DGKB: variants seen among roughly 807,000 people sequenced by gnomAD.
DGKB encodes diacylglycerol kinase beta, also known as 90 kDa diacylglycerol kinase.
A neutral mutation model predicts 114.3 loss-of-function variants in DGKB; 67 were observed. The observed-to-expected ratio is 0.59, with a 90% confidence interval of 0.48 to 0.72. The LOEUF (loss-of-function observed/expected upper bound fraction) is 0.72. DGKB is among the 30% of genes least tolerant of loss of function. The pLI is 0.00. For missense variants in DGKB, 907 were observed against 975.2 expected, an observed-to-expected ratio of 0.93 and a Z score of 0.93; for synonymous variants, 398 against 323.1, an observed-to-expected ratio of 1.23 and a Z score of -2.49.
chr7:14,923,394 G>T (rs372209632), intron 1 of DGKB, among the ~76,000 whole-genome samples: 5 of 151,984 alleles, frequency 3.3e-5, no homozygotes. Context: ...ATTGTCTTTT[G>T]TTGATTCCAC....
At chr7:14,922,017 C>A (rs905154616) in intron 1 of DGKB, among the ~76,000 whole-genome samples, 1 of 152,036 alleles carries the variant, frequency 6.6e-6, no homozygotes, top group Non-Finnish European at 1.5e-5. Context: ...CAAAACCCTA[C>A]AATAAGTGCA....
At chr7:14,631,725 G>A (rs1809748635) in intron 13 of DGKB, among the ~76,000 whole-genome samples, 1 of 151,950 alleles carries the variant, frequency 6.6e-6, no homozygotes, top group Non-Finnish European at 1.5e-5. Flanking sequence ...GTTTCTCTCT[G>A]GGTCAGTTCA....
At chr7:14,849,282 G>C (rs1849035956) in intron 1 of DGKB, among the ~76,000 whole-genome samples, 1 of 151,626 alleles carries the variant, frequency 6.6e-6, no homozygotes, top group Admixed American at 6.6e-5. Context: ...AGGGTCATCT[G>C]ATAGGAGTAG....
intron 23 of DGKB, among the ~76,000 whole-genome samples, chr7:14,235,036 C>G (rs529915000): frequency 6.6e-6 from 1 of 151,990 alleles, no homozygotes; most frequent in African/African-American, 2.4e-5. Context: ...TTTGCAGGAA[C>G]CTTCTCTTCT....
intron 20 of DGKB, among the ~76,000 whole-genome samples, chr7:14,486,891 A>G (rs927462591): frequency 2.6e-5 from 4 of 152,212 alleles, no homozygotes; most frequent in Non-Finnish European, 4.4e-5. Context: ...ACTATACATT[A>G]TGCATTAAAC....
At chr7:14,312,557 G>T (rs1454550858) in intron 23 of DGKB, among the ~76,000 whole-genome samples, 1 of 152,110 alleles carries the variant, frequency 6.6e-6, no homozygotes, top group Admixed American at 6.5e-5. Context: ...CAATTTTTTA[G>T]TATTGTTTGT....
intron 23 of DGKB, among the ~76,000 whole-genome samples, chr7:14,300,586 C>A (rs1803364976): frequency 6.6e-6 from 1 of 151,976 alleles, no homozygotes; most frequent in South Asian, 2.1e-4. Context: ...TCTCTGAATA[C>A]CTGCAGTCAA....
At chr7:14,419,544 G>C (rs908249257) in intron 21 of DGKB, among the ~76,000 whole-genome samples, 1 of 151,674 alleles carries the variant, frequency 6.6e-6, no homozygotes, top group Non-Finnish European at 1.5e-5. Context: ...ATGTTACTTA[G>C]TGAGGGTTTG....
chr7:14,903,914 T>C (rs1484990716), upstream of DGKB, among the ~76,000 whole-genome samples: 2 of 152,168 alleles, frequency 1.3e-5, no homozygotes, highest in East Asian at 3.9e-4. Flanking sequence ...TCTTAACTTA[T>C]CTATATAATA....
At chr7:14,645,019 G>T (rs28419033) in intron 13 of DGKB, among the ~76,000 whole-genome samples, 1,837 of 152,216 alleles carry the variant, frequency 0.012, 31 homozygotes, top group African/African-American at 0.042. Context: ...TCCACAACTG[G>T]CATGAGAACT....
intron 23 of DGKB, among the ~76,000 whole-genome samples, chr7:14,267,579 C>A (rs1020514603): frequency 6.6e-6 from 1 of 151,794 alleles, no homozygotes; most frequent in Non-Finnish European, 1.5e-5. Flanking sequence ...AGCTCCACCT[C>A]CTGGGTTCAT....
chr7:14,483,449 G>C (rs753358285), intron 20 of DGKB, among the ~76,000 whole-genome samples: 12 of 152,152 alleles, frequency 7.9e-5, no homozygotes, highest in Non-Finnish European at 1.0e-4. Context: ...AAGATATTTA[G>C]ATCAGATTTT....
intron 3 of DGKB, among the ~76,000 whole-genome samples, chr7:14,754,437 T>A (rs186906886): frequency 6.6e-6 from 1 of 152,162 alleles, no homozygotes; most frequent in Non-Finnish European, 1.5e-5. Flanking sequence ...TCCTAAGATA[T>A]CCTTCTATTA....
intron 13 of DGKB, among the ~76,000 whole-genome samples, chr7:14,641,203 T>C (rs35885928): frequency 6.6e-6 from 1 of 152,064 alleles, no homozygotes; most frequent in African/African-American, 2.4e-5. Context: ...AATCTCATTG[T>C]TTTAATTTAT....
At chr7:14,443,529 G>A (rs137904949) in intron 21 of DGKB, among the ~76,000 whole-genome samples, 84 of 152,038 alleles carry the variant, frequency 5.5e-4, no homozygotes, top group African/African-American at 2.0e-3. Flanking sequence ...TCAAATCATG[G>A]GTTGACAATT....
rs183980661 is a variant in DGKB, at chr7:14,176,392, T to C, written c.2304+447A>G. ...AGAAACTGGAGAGAAATTTTTTTCT[T>C]ATGGAGAAGAAAGCCCTCAAATCCC... On this transcript the variant is annotated intron_variant, in intron 25 of 25. Coordinates refer to ENST00000402815, the MANE Select transcript of DGKB (RefSeq NM_001350709.2). 15 of 985,172 alleles carry C rather than the reference T, an allele frequency of 1.5e-5. No homozygotes were observed. The East Asian group carries it at 3.4e-4, about 22-fold the overall frequency. 61.0% of individuals were successfully genotyped at this position (985,172 alleles called of 1,614,324 possible). A position where few individuals can be genotyped will look rare whatever the true frequency, so the allele number is the denominator to read the frequency against.
At position 14,326,445 on chromosome 7, in the gene DGKB, G is replaced by A. The variant is rs1042268177; in HGVS notation, c.2122+12070C>T. Among the ~76,000 whole-genome samples the A allele has an allele frequency of 3.9e-5, 6 of 152,052 alleles. No homozygotes were observed. The South Asian group carries it at 1.2e-3, about 31-fold the overall frequency. On this transcript the variant is annotated intron_variant, in intron 23 of 25. Transcript: ENST00000402815. ...TTCTGGTGCATGAGTCAGGTGGAGCGGTGCTACAAGGTCAACCAAGAGAGT... is the reference window on the plus strand; with the variant it reads ...TTCTGGTGCATGAGTCAGGTGGAGCAGTGCTACAAGGTCAACCAAGAGAGT...
At chr7:14,159,288 T>C (rs1337854810) in intron 25 of DGKB, among the ~76,000 whole-genome samples, 1 of 152,116 alleles carries the variant, frequency 6.6e-6, no homozygotes, top group Admixed American at 6.6e-5. Context: ...CTCTTCCCTC[T>C]CTTTGGGGCC....
At chr7:14,940,254 G>C (rs1170296010) in intron 1 of DGKB, among the ~76,000 whole-genome samples, 2 of 151,924 alleles carry the variant, frequency 1.3e-5, no homozygotes, top group African/African-American at 4.8e-5. Context: ...ACACAAATAG[G>C]GCATGTGACA....
Sources: gnomAD v4.1 joint callset for allele counts (sites outside exome capture counted in the v4.1 genomes callset) on GRCh38, gnomAD v4.1.1 for gene constraint, MANE v1.5 for transcripts, NCBI Gene and HGNC (gene_info 2026-07-23, HGNC 2026-07-21) for gene names.